The following ST6GALNAC3 variants were observed in gnomAD, a reference collection of about 807,000 sequenced individuals.
ST6GALNAC3 encodes ST6 N-acetylgalactosaminide alpha-2,6-sialyltransferase 3.
A neutral mutation model predicts 32.7 loss-of-function variants in ST6GALNAC3; 25 were observed. That is an observed-to-expected ratio of 0.76 (90% CI 0.56 to 1.07). The LOEUF (loss-of-function observed/expected upper bound fraction) is 1.07, where lower values mean the gene tolerates loss of function less well. Among genes scored for constraint, ST6GALNAC3 ranks in the 50% least tolerant of loss-of-function variants. The probability of loss-of-function intolerance (pLI) is 0.00; values close to 1 mark genes in which losing one functional copy is unlikely to be tolerated. For synonymous variants in ST6GALNAC3, 129 were observed against 133.1 expected (o/e 0.97, Z 0.21); for missense variants, 355 against 382.4 (o/e 0.93, Z 0.60).
chr1:76,578,881 C>T (rs1010748259), intron 3 of ST6GALNAC3, among the ~76,000 whole-genome samples: 1 of 152,064 alleles, frequency 6.6e-6, no homozygotes, highest in African/African-American at 2.4e-5. Flanking sequence ...ATAAATAAGA[C>T]GCATCTGAGG....
intron 1 of ST6GALNAC3, among the ~76,000 whole-genome samples, chr1:76,078,828 T>A (rs561284381): frequency 1.3e-5 from 2 of 152,308 alleles, no homozygotes; most frequent in East Asian, 3.9e-4. Context: ...TTGCCCAGGC[T>A]GGAGTGCAGT....
chr1:76,522,419 A>G (rs1662602968), intron 3 of ST6GALNAC3, among the ~76,000 whole-genome samples: 1 of 152,062 alleles, frequency 6.6e-6, no homozygotes, highest in Non-Finnish European at 1.5e-5. Flanking sequence ...TATACAAGTT[A>G]CATATATGTG....
At chr1:76,416,793 A>G (rs911268632) in intron 3 of ST6GALNAC3, among the ~76,000 whole-genome samples, 8 of 151,548 alleles carry the variant, frequency 5.3e-5, no homozygotes, top group Admixed American at 2.6e-4. Context: ...ATGCCTGGCT[A>G]ATTTTTGTAT....
intron 1 of ST6GALNAC3, among the ~76,000 whole-genome samples, chr1:76,134,389 C>G (rs1336273931): frequency 1.3e-5 from 2 of 152,204 alleles, no homozygotes; most frequent in Non-Finnish European, 2.9e-5. Flanking sequence ...TTCACCTTTT[C>G]CAGGCCTGAA....
At chr1:76,302,672 C>A (rs1660796785) in intron 1 of ST6GALNAC3, among the ~76,000 whole-genome samples, 3 of 151,948 alleles carry the variant, frequency 2.0e-5, no homozygotes, top group Non-Finnish European at 4.4e-5. Flanking sequence ...CTCATTTAAA[C>A]CTTCAATAAT....
At chr1:76,464,099 C>T (rs1571315346) in intron 3 of ST6GALNAC3, among the ~76,000 whole-genome samples, 1 of 152,020 alleles carries the variant, frequency 6.6e-6, no homozygotes, top group South Asian at 2.1e-4. Flanking sequence ...TTTGCTATAC[C>T]CTCACCACAA....
At chr1:76,243,650 A>G (rs2100674670) in intron 1 of ST6GALNAC3, among the ~76,000 whole-genome samples, 1 of 152,226 alleles carries the variant, frequency 6.6e-6, no homozygotes, top group Non-Finnish European at 1.5e-5. Context: ...GGAAGTGGTC[A>G]AGTTTCTGTT....
chr1:76,525,751 G>T (rs12137522), intron 3 of ST6GALNAC3, among the ~76,000 whole-genome samples: 1 of 119,790 alleles, frequency 8.3e-6, no homozygotes, highest in Non-Finnish European at 1.8e-5. Flanking sequence ...ATATATATGT[G>T]TATATATGTG....
At chr1:76,352,497 C>CTTTTT (rs397706056) in intron 2 of ST6GALNAC3, among the ~76,000 whole-genome samples, 2 of 116,224 alleles carry the variant, frequency 1.7e-5, no homozygotes, top group African/African-American at 3.2e-5. Flanking sequence ...TTTTGGTTTC[C>CTTTTT]TTTTTTTTTT....
intron 1 of ST6GALNAC3, among the ~76,000 whole-genome samples, chr1:76,216,681 G>C (rs550331073): frequency 3.9e-5 from 6 of 152,342 alleles, no homozygotes; most frequent in African/African-American, 1.2e-4. Context: ...TTGGTCAGCA[G>C]TTTCATGCAA....
intron 1 of ST6GALNAC3, among the ~76,000 whole-genome samples, chr1:76,259,758 T>C (rs1658119772): frequency 6.6e-6 from 1 of 152,198 alleles, no homozygotes; most frequent in Non-Finnish European, 1.5e-5. Context: ...ACTTAATTAA[T>C]TTGGGGCAGT....
rs541959968 is a variant in ST6GALNAC3 at position 76,208,569 on chromosome 1, G to GAGTC, written c.19-105234_19-105231dup. On this transcript the variant is annotated intron_variant, in intron 1 of 4. Coordinates refer to ENST00000328299, the MANE Select transcript of ST6GALNAC3 (RefSeq NM_152996.4). ...GGCTTTACAGTCTAACTTTCTGAGG[G>GAGTC]AGTCATTCAGGGAACGTTTTAGTGT... 3.9e-3 allele frequency among the ~76,000 whole-genome samples: 589 copies of GAGTC among 152,254 alleles called. 2 individuals carry two copies. Among genetic ancestry groups the GAGTC allele is most frequent in the Middle Eastern group, 0.01 (3 of 294 alleles).
At chr1:76,202,655 A>T (rs1031867189) in intron 1 of ST6GALNAC3, among the ~76,000 whole-genome samples, 1 of 152,164 alleles carries the variant, frequency 6.6e-6, no homozygotes, top group African/African-American at 2.4e-5. Context: ...ACCTATTCCC[A>T]ATAGCCTGCT....
At chr1:76,207,081 T>C (rs577829030) in intron 1 of ST6GALNAC3, among the ~76,000 whole-genome samples, 1 of 152,364 alleles carries the variant, frequency 6.6e-6, no homozygotes, top group South Asian at 2.1e-4. Context: ...GTTGGACTTC[T>C]GATTCCTCTT....
chr1:76,244,716 A>G (rs995643871), intron 1 of ST6GALNAC3, among the ~76,000 whole-genome samples: 2 of 152,036 alleles, frequency 1.3e-5, no homozygotes, highest in Non-Finnish European at 2.9e-5. Flanking sequence ...GGTTTTTGTC[A>G]TTGGTTCTGT....
rs146608694 is a variant in ST6GALNAC3, at chr1:76,169,938, A to C, written c.18+95054A>C. ...AAGCACACTGACTTTTTGAATTTTCAGGGTTCTTGCACTGACTTCTTCTCA... is the reference window on the plus strand; with the variant it reads ...AAGCACACTGACTTTTTGAATTTTCCGGGTTCTTGCACTGACTTCTTCTCA... On this transcript the variant is annotated intron_variant, in intron 1 of 4. Coordinates refer to ENST00000328299, the MANE Select transcript of ST6GALNAC3 (RefSeq NM_152996.4). Among the ~76,000 whole-genome samples the C allele has an allele frequency of 2.0e-5, 3 of 152,268 alleles. No individual in the cohort carries two copies. In the East Asian group the frequency reaches 5.8e-4, roughly 29 times the overall value.
At chr1:76,546,938 G>A (rs1219914660) in intron 3 of ST6GALNAC3, among the ~76,000 whole-genome samples, 1 of 152,212 alleles carries the variant, frequency 6.6e-6, no homozygotes, top group African/African-American at 2.4e-5. Context: ...TCAAGAGCCC[G>A]AGGAAGGATG....
chr1:76,183,851 A>AATATATATATATATATATATGT (rs1653348009), intron 1 of ST6GALNAC3, among the ~76,000 whole-genome samples: 1 of 118,612 alleles, frequency 8.4e-6, no homozygotes, highest in Non-Finnish European at 1.7e-5. Flanking sequence ...GTAGTGCATG[A>AATATATATATATATATATATGT]ATATATATAT....
At chr1:76,474,875 T>C (rs186641147) in intron 3 of ST6GALNAC3, among the ~76,000 whole-genome samples, 3 of 152,310 alleles carry the variant, frequency 2.0e-5, no homozygotes, top group African/African-American at 7.2e-5. Flanking sequence ...GCTTCACTGC[T>C]TATGTAAAAA....
Sources: gnomAD v4.1 joint callset for allele counts (sites outside exome capture counted in the v4.1 genomes callset) on GRCh38, gnomAD v4.1.1 for gene constraint, MANE v1.5 for transcripts, NCBI Gene and HGNC (gene_info 2026-07-23, HGNC 2026-07-21) for gene names.